ROBO1: variants seen among roughly 807,000 people sequenced by gnomAD.
ROBO1 encodes roundabout guidance receptor 1.
ROBO1 carries 149 observed loss-of-function variants against 195.9 expected under a neutral mutation model. The observed-to-expected ratio is 0.76, with a 90% CI of 0.67 to 0.87. The LOEUF is 0.87. Among genes scored for constraint, ROBO1 ranks in the 40% least tolerant of loss-of-function variants. The pLI is 0.00. For missense variants in ROBO1, 1,933 were observed against 2,068.3 expected, an observed-to-expected ratio of 0.93 and a Z score of 1.27; for synonymous variants, 816 against 733.2, an observed-to-expected ratio of 1.11 and a Z score of -1.82.
rs141723000 is a variant in ROBO1 at position 79,518,680 on chromosome 3, T to A, written c.88+71144A>T. Among the ~76,000 whole-genome samples, 3 of 151,952 alleles carry A rather than the reference T, an allele frequency of 2.0e-5. No homozygotes were observed. The East Asian group carries it at 5.8e-4, about 29-fold the overall frequency. On this transcript the variant is annotated intron_variant, in intron 2 of 30. Transcript: ENST00000464233. The stretch of plus-strand genomic sequence containing the variant: ...AAACATTCTCCAAATCTTTTATTAT[T>A]ATTATTATTATTATTTTTAGATGGA...
chr3:78,738,943 T>A (rs2082457989), intron 5 of ROBO1, among the ~76,000 whole-genome samples: 1 of 152,194 alleles, frequency 6.6e-6, no homozygotes, highest in Admixed American at 6.6e-5. Context: ...ATCATCTAAA[T>A]TATTTTTTCA....
intron 4 of ROBO1, among the ~76,000 whole-genome samples, chr3:78,761,914 C>T (rs2083114605): frequency 6.6e-6 from 1 of 152,000 alleles, no homozygotes; most frequent in Admixed American, 6.6e-5. Context: ...TTCTTTCTCA[C>T]ATTGTAAATG....
chr3:78,983,596 T>C (rs1435248800), intron 3 of ROBO1, among the ~76,000 whole-genome samples: 1 of 152,168 alleles, frequency 6.6e-6, no homozygotes, highest in African/African-American at 2.4e-5. Context: ...TAACGTAATC[T>C]CTATTTCAGA....
At chr3:79,650,592 G>GA (rs1470544963) in intron 1 of ROBO1, among the ~76,000 whole-genome samples, 1 of 150,796 alleles carries the variant, frequency 6.6e-6, no homozygotes, top group Non-Finnish European at 1.5e-5. Context: ...GTGTTTTAAA[G>GA]AAAAAATATA....
At chr3:79,065,698 A>C (rs1444874280) in intron 3 of ROBO1, among the ~76,000 whole-genome samples, 1 of 151,994 alleles carries the variant, frequency 6.6e-6, no homozygotes, top group Non-Finnish European at 1.5e-5. Context: ...ATTTCAATTC[A>C]TGAATTCATA....
intron 2 of ROBO1, among the ~76,000 whole-genome samples, chr3:79,202,797 T>C (rs546363169): frequency 6.6e-6 from 1 of 152,182 alleles, no homozygotes; most frequent in South Asian, 2.1e-4. Flanking sequence ...AACAAAACTT[T>C]TTAGTTCCTT....
At chr3:79,246,667 T>A (rs1447236941) in intron 2 of ROBO1, among the ~76,000 whole-genome samples, 8 of 152,094 alleles carry the variant, frequency 5.3e-5, no homozygotes, top group Admixed American at 5.2e-4. Flanking sequence ...CTTGAGCTAT[T>A]GCTTATATTG....
chr3:78,971,757 T>C (rs1263019901), intron 3 of ROBO1, among the ~76,000 whole-genome samples: 1 of 152,112 alleles, frequency 6.6e-6, no homozygotes, highest in Non-Finnish European at 1.5e-5. Flanking sequence ...TTTGTTGTTG[T>C]TGTTGTTGTT....
intron 2 of ROBO1, among the ~76,000 whole-genome samples, chr3:79,562,330 AAGT>A (rs1271084986): frequency 6.6e-6 from 1 of 152,090 alleles, no homozygotes; most frequent in Non-Finnish European, 1.5e-5. Context: ...AAAATAGTAA[AAGT>A]AGTAGTACAG....
At chr3:79,021,309 AC>A (rs2108274007) in intron 3 of ROBO1, among the ~76,000 whole-genome samples, 1 of 152,350 alleles carries the variant, frequency 6.6e-6, no homozygotes, top group South Asian at 2.1e-4. Context: ...AGAGAAGCTT[AC>A]CTAGTAATAG....
intron 1 of ROBO1, among the ~76,000 whole-genome samples, chr3:79,625,450 A>ATAGACCAC: frequency 7.0e-6 from 1 of 143,774 alleles, no homozygotes; most frequent in East Asian, 2.0e-4. Flanking sequence ...AAAAAGCAAA[A>ATAGACCAC]TAGACCACTA....
At position 78,661,196 on chromosome 3, in the gene ROBO1, G is replaced by A. The variant is rs370661806; in HGVS notation, c.2154C>T (p.His718=). ...KILYRPSGAN[H]GESDWLVFEV... ...CAAAAACTAACCAGTCTGATTCTCC[G>A]TGGTTGGCTCCAGATGGCCGATAGA... Residue 718 remains histidine, a synonymous_variant, in exon 16 of 31, where the codon CAC becomes CAT. Transcript: ENST00000464233. The A allele has an allele frequency of 2.0e-4, 326 of 1,613,466 alleles. 6 individuals carry two copies. The South Asian group carries it at 2.7e-3, about 13-fold the overall frequency.
intron 3 of ROBO1, among the ~76,000 whole-genome samples, chr3:78,973,315 C>T (rs1273317445): frequency 6.6e-6 from 1 of 151,094 alleles, no homozygotes; most frequent in East Asian, 2.0e-4. Flanking sequence ...TCCATTAAGC[C>T]TTGTTAGACC....
At chr3:79,410,617 AAAGG>A (rs141093481) in intron 2 of ROBO1, among the ~76,000 whole-genome samples, 14,902 of 149,432 alleles carry the variant, frequency 0.1, 705 homozygotes, top group Middle Eastern at 0.15. Flanking sequence ...GAAAGAAAAG[AAAGG>A]AAGGAAGGAA....
intron 1 of ROBO1, among the ~76,000 whole-genome samples, chr3:79,633,097 A>T (rs1945391058): frequency 6.6e-6 from 1 of 152,082 alleles, no homozygotes; most frequent in African/African-American, 2.4e-5. Flanking sequence ...AATAATCAAC[A>T]TGAAATTTGG....
At chr3:79,110,429 T>C (rs1576684876) in intron 3 of ROBO1, among the ~76,000 whole-genome samples, 1 of 151,950 alleles carries the variant, frequency 6.6e-6, no homozygotes, top group East Asian at 1.9e-4. Flanking sequence ...TTTAGAGGCC[T>C]AAGTTCTTTT....
intron 8 of ROBO1, among the ~76,000 whole-genome samples, chr3:78,710,971 C>T (rs577135783): frequency 2.6e-5 from 4 of 152,248 alleles, no homozygotes; most frequent in East Asian, 1.9e-4. Flanking sequence ...AAGTAACTTC[C>T]GGTAAGTTTA....
intron 2 of ROBO1, among the ~76,000 whole-genome samples, chr3:79,570,839 T>G (rs1943254939): frequency 6.6e-6 from 1 of 152,112 alleles, no homozygotes; most frequent in Non-Finnish European, 1.5e-5. Flanking sequence ...TAGAAACTTT[T>G]GAATCAAAGG....
chr3:79,342,178 A>C (rs1403804281), intron 2 of ROBO1, among the ~76,000 whole-genome samples: 1 of 152,190 alleles, frequency 6.6e-6, no homozygotes, highest in Non-Finnish European at 1.5e-5. Context: ...AGGACCTTGA[A>C]TTATAGGCCA....
Sources: allele counts gnomAD v4.1 joint callset (sites outside exome capture counted in the v4.1 genomes callset), GRCh38; gene constraint gnomAD v4.1.1; transcripts MANE v1.5; gene names NCBI Gene and HGNC (gene_info 2026-07-23, HGNC 2026-07-21).